Variants in UPRT observed in about 807,000 individuals in gnomAD.
The protein encoded by UPRT is RP11-311P8.3.
Under a neutral mutation model 22.6 loss-of-function variants are expected in UPRT, and 5 were observed. The ratio of observed to expected loss-of-function variants is 0.22; its 90% CI spans 0.12 to 0.47. UPRT has a LOEUF of 0.47. Among genes scored for constraint, UPRT ranks in the 20% least tolerant of loss-of-function variants. The probability of loss-of-function intolerance (pLI) is 0.99; values close to 1 mark genes in which losing one functional copy is unlikely to be tolerated. For missense variants in UPRT, 181 were observed against 239.9 expected, an observed-to-expected ratio of 0.75 and a Z score of 1.62; for synonymous variants, 77 against 87.7, an observed-to-expected ratio of 0.88 and a Z score of 0.68.
At chrX:75,263,031 C>T (rs761620691) in intron 4 of UPRT, among the ~76,000 whole-genome samples, 1 of 111,636 alleles carries the variant, frequency 9.0e-6, no homozygotes, top group African/African-American at 3.3e-5. Context: ...CGCACTTATT[C>T]TGAAATTGAC....
At chrX:75,188,721 C>T (rs967632605) in intron 4 of UPRT, among the ~76,000 whole-genome samples, 2 of 112,692 alleles carry the variant, frequency 1.8e-5, no homozygotes, top group African/African-American at 6.4e-5. Flanking sequence ...GACACAATCT[C>T]CTGGTGCCCC....
chrX:75,228,414 A>T (rs761536808), intron 4 of UPRT, among the ~76,000 whole-genome samples: 2 of 111,305 alleles, frequency 1.8e-5, no homozygotes, highest in African/African-American at 6.5e-5. Context: ...TTCATGGAGG[A>T]TGAGGGTTGT....
chrX:75,251,080 C>T (rs1251501617), intron 4 of UPRT, among the ~76,000 whole-genome samples: 1 of 111,326 alleles, frequency 9.0e-6, no homozygotes, highest in African/African-American at 3.3e-5. Context: ...TAAGAGCTAT[C>T]TATGACAAAC....
rs574602418 is a variant in UPRT at position 75,257,806 on chromosome X, A to T, written c.-446-33218A>T. Among the ~76,000 whole-genome samples, 64 of 111,453 alleles carry T rather than the reference A, an allele frequency of 5.7e-4. No homozygotes were observed. The South Asian group carries it at 0.024, about 42-fold the overall frequency. On this transcript the variant is annotated intron_variant, in intron 4 of 13. Transcript: ENST00000652605. ...TGAGGGATTTGCTTGCAAGATGGCC[A>T]AATAGGAGCAGCTCCAGTCTGCAGC...
chrX:75,205,383 C>CAAAAA (rs55819232), intron 4 of UPRT, among the ~76,000 whole-genome samples: 15 of 38,165 alleles, frequency 3.9e-4, no homozygotes, highest in African/African-American at 5.1e-4. Flanking sequence ...GACTCCGTCT[C>CAAAAA]AAAAAAAAAA....
rs749001419 is a variant in UPRT at position 75,190,489 on chromosome X, G to T, written c.-447+22610G>T. Among the ~76,000 whole-genome samples the T allele has an allele frequency of 3.6e-5, 4 of 111,364 alleles. No homozygotes were observed. The South Asian group carries it at 1.5e-3, about 43-fold the overall frequency. The stretch of plus-strand genomic sequence containing the variant: ...GCTCTTCTCAAGGAGTATCTTTGTG[G>T]ACTTTTCTGTATTTCCTGAATTTGA... On this transcript the variant is annotated intron_variant, in intron 4 of 13. Transcript: ENST00000652605.
intron 5 of UPRT, among the ~76,000 whole-genome samples, chrX:75,300,441 C>A (rs1182752719): frequency 9.0e-6 from 1 of 111,602 alleles, no homozygotes; most frequent in Non-Finnish European, 1.9e-5. Context: ...AGAACAAGTA[C>A]CTTCATATGA....
At chrX:75,195,088 G>A (rs1321661899) in intron 4 of UPRT, among the ~76,000 whole-genome samples, 1 of 111,794 alleles carries the variant, frequency 8.9e-6, no homozygotes, top group Non-Finnish European at 1.9e-5. Flanking sequence ...CACCAGCTAA[G>A]CAGTGTAGGA....
At chrX:75,251,875 T>C (rs777604937) in intron 4 of UPRT, among the ~76,000 whole-genome samples, 142 of 110,282 alleles carry the variant, frequency 1.3e-3, no homozygotes, top group African/African-American at 4.4e-3. Context: ...TATAGACCAA[T>C]GGAACAGAAC....
In UPRT at chrX:75,195,272, C is replaced by A. The variant is rs760757311; in HGVS notation, c.-447+27393C>A. ...ATGTGGGCCTCTAAGAGTCACCCCA[C>A]CTGGGCATCCAAGGATCCATTGCAA... On this transcript the variant is annotated intron_variant, in intron 4 of 13. Coordinates refer to the UPRT transcript ENST00000652605. Among the ~76,000 whole-genome samples the A allele has an allele frequency of 1.4e-4, 16 of 112,325 alleles. No individual in the cohort carries two copies. In the East Asian group the frequency reaches 4.6e-3, roughly 32 times the overall value.
chrX:75,197,445 T>A (rs1020101347), intron 4 of UPRT, among the ~76,000 whole-genome samples: 4 of 111,983 alleles, frequency 3.6e-5, no homozygotes, highest in Admixed American at 2.8e-4. Context: ...ATTAGAATGA[T>A]CAAACACAGA....
chrX:75,178,950 G>T (rs1036887689), intron 4 of UPRT, among the ~76,000 whole-genome samples: 1 of 111,853 alleles, frequency 8.9e-6, no homozygotes, highest in African/African-American at 3.3e-5. Flanking sequence ...CAAGTGGCCT[G>T]TTTTGACAGG....
chrX:75,252,460 A>G (rs1400445258), intron 4 of UPRT, among the ~76,000 whole-genome samples: 1 of 112,881 alleles, frequency 8.9e-6, no homozygotes, highest in Non-Finnish European at 1.9e-5. Context: ...AACACTGGCC[A>G]TTGGAGAAAT....
At chrX:75,175,616 G>T (rs1269207512) in intron 4 of UPRT, among the ~76,000 whole-genome samples, 1 of 112,170 alleles carries the variant, frequency 8.9e-6, no homozygotes, top group Admixed American at 9.4e-5. Context: ...GGATCATCTG[G>T]TTGGGGGCTT....
intron 2 of UPRT, among the ~76,000 whole-genome samples, chrX:75,161,843 T>TA (rs2082200798): frequency 8.9e-6 from 1 of 111,904 alleles, no homozygotes; most frequent in East Asian, 2.8e-4. Context: ...TATGTGTCAA[T>TA]ACCACCTGTA....
chrX:75,247,148 A>G (rs1403887121), intron 4 of UPRT, among the ~76,000 whole-genome samples: 1 of 111,466 alleles, frequency 9.0e-6, no homozygotes, highest in African/African-American at 3.3e-5. Flanking sequence ...AGCTCCCAGC[A>G]TGAGTGACAC....
chrX:75,237,149 G>T (rs1307856196), intron 4 of UPRT, among the ~76,000 whole-genome samples: 2 of 112,206 alleles, frequency 1.8e-5, no homozygotes, highest in Middle Eastern at 4.6e-3. Context: ...GACATGAACA[G>T]ATACTTCTCA....
intron 4 of UPRT, among the ~76,000 whole-genome samples, chrX:75,174,537 A>G (rs2082240844): frequency 8.9e-6 from 1 of 111,859 alleles, no homozygotes. Context: ...TAAGAATTTG[A>G]AAGGCGTTGT....
intron 3 of UPRT, among the ~76,000 whole-genome samples, chrX:75,167,542 T>A (rs7050090): frequency 0.029 from 3,243 of 112,014 alleles, 117 homozygotes; most frequent in African/African-American, 0.1. Flanking sequence ...ATTGAAGGAC[T>A]TGGTGAATTG....
Sources: gnomAD v4.1 joint callset for allele counts (sites outside exome capture counted in the v4.1 genomes callset) on GRCh38, gnomAD v4.1.1 for gene constraint, MANE v1.5 for transcripts, NCBI Gene and HGNC (gene_info 2026-07-23, HGNC 2026-07-21) for gene names.